ADAMTS19: variants seen among roughly 807,000 people sequenced by gnomAD.
The protein encoded by ADAMTS19 is ADAM metallopeptidase with thrombospondin type 1 motif 19, also known as A disintegrin and metalloproteinase with thrombospondin motifs 19.
A neutral mutation model predicts 153.3 loss-of-function variants in ADAMTS19; 93 were observed. That is an observed-to-expected ratio of 0.61 (90% CI 0.51 to 0.72). The LOEUF (loss-of-function observed/expected upper bound fraction) is 0.72, where lower values mean the gene tolerates loss of function less well. Among genes scored for constraint, ADAMTS19 ranks in the 30% least tolerant of loss-of-function variants. ADAMTS19 has a pLI of 0.00. For missense variants in ADAMTS19, 1,482 were observed against 1,552.1 expected (o/e 0.95, Z 0.76); for synonymous variants, 600 against 556.6 (o/e 1.08, Z -1.10).
chr5:129,610,770 A>G (rs917936614), intron 8 of ADAMTS19, among the ~76,000 whole-genome samples: 12 of 152,302 alleles, frequency 7.9e-5, no homozygotes, highest in Admixed American at 6.5e-4. Flanking sequence ...GTGTCTTTAT[A>G]GCAGCATGAT....
chr5:129,709,959 TTTC>T (rs1186439087), intron 21 of ADAMTS19, among the ~76,000 whole-genome samples: 1 of 151,714 alleles, frequency 6.6e-6, no homozygotes, highest in Non-Finnish European at 1.5e-5. Context: ...TGTCCTCTAT[TTTC>T]TTTTTTTTTT....
chr5:129,461,473 C>G lies in ADAMTS19; in HGVS notation c.463C>G (p.Pro155Ala), dbSNP rs906026180. 1.4e-5 allele frequency: 21 copies of G among 1,474,200 alleles called. No homozygotes were observed. The highest frequency in any genetic ancestry group is 1.8e-5 in the Non-Finnish European group (20 of 1,121,766). The allele number at this position is 1,474,200 out of a possible 1,614,324, so 91.3% of individuals were successfully genotyped here. The part of the protein sequence containing the change: ...SWQPPPPPQP[P>A]PSPPPAQHAE... ...GCAGCCGCCGCCTCCCCCGCAGCCG[C>G]CCCCGTCCCCGCCCCCGGCCCAGCA... Residue 155 changes from proline to alanine, a missense_variant, in exon 2 of 23, where the codon CCC becomes GCC. Transcript: ENST00000274487. This position sits in a 1 kb window ranked among gnomAD's most constrained non-coding sequence, Gnocchi z 4.6.
chr5:129,632,223 ACT>A (rs1193311015), intron 10 of ADAMTS19, among the ~76,000 whole-genome samples: 2 of 151,668 alleles, frequency 1.3e-5, no homozygotes, highest in African/African-American at 2.4e-5. Context: ...TAAAATATAA[ACT>A]CTCTATTTTT....
intron 10 of ADAMTS19, among the ~76,000 whole-genome samples, chr5:129,626,689 A>G (rs1176667503): frequency 6.6e-6 from 1 of 152,154 alleles, no homozygotes; most frequent in East Asian, 1.9e-4. Flanking sequence ...TTGATTTGAC[A>G]AATATTTATT....
intron 7 of ADAMTS19, among the ~76,000 whole-genome samples, chr5:129,562,023 A>T (rs1372676652): frequency 6.6e-6 from 1 of 152,214 alleles, no homozygotes; most frequent in South Asian, 2.1e-4. Context: ...TCATAATACC[A>T]TCAGTTGGTT....
chr5:129,709,542 CA>C (rs1405150355), intron 21 of ADAMTS19, among the ~76,000 whole-genome samples: 4 of 151,826 alleles, frequency 2.6e-5, no homozygotes, highest in African/African-American at 7.3e-5. Context: ...TAAAAAAGTT[CA>C]AAAAAAGTAC....
At chr5:129,665,048 T>A (rs1385164938) in intron 15 of ADAMTS19, among the ~76,000 whole-genome samples, 3 of 152,130 alleles carry the variant, frequency 2.0e-5, no homozygotes, top group Non-Finnish European at 2.9e-5. Flanking sequence ...TGTCCTATAC[T>A]TCAGTACTCC....
chr5:129,500,711 C>T (rs1265051272), intron 2 of ADAMTS19: 1 of 152,138 alleles, frequency 6.6e-6, no homozygotes, highest in Non-Finnish European at 1.5e-5. Flanking sequence ...AATGGTGCAT[C>T]ATTTTCTTTC....
chr5:129,479,492 AAAAT>A (rs1180214359), intron 2 of ADAMTS19, among the ~76,000 whole-genome samples: 2 of 152,192 alleles, frequency 1.3e-5, no homozygotes, highest in Non-Finnish European at 2.9e-5. Context: ...CTAAGGCAAG[AAAAT>A]AAATAAAAGG....
intron 19 of ADAMTS19, among the ~76,000 whole-genome samples, chr5:129,697,713 A>G (rs1373059613): frequency 2.0e-5 from 3 of 152,260 alleles, no homozygotes; most frequent in African/African-American, 4.8e-5. Context: ...AGATACATAA[A>G]GTAGCATTTT....
chr5:129,624,561 G>A (rs1174039997), intron 10 of ADAMTS19, among the ~76,000 whole-genome samples: 1 of 152,132 alleles, frequency 6.6e-6, no homozygotes, highest in East Asian at 1.9e-4. Flanking sequence ...ATGTGGTATA[G>A]AGAATTGATA....
At chr5:129,632,320 A>C (rs1049731707) in intron 10 of ADAMTS19, among the ~76,000 whole-genome samples, 2 of 151,954 alleles carry the variant, frequency 1.3e-5, no homozygotes, top group African/African-American at 4.8e-5. Flanking sequence ...AGACTTCCTC[A>C]TTCAGTTTTT....
At chr5:129,464,340 A>T (rs1309682637) in intron 2 of ADAMTS19, among the ~76,000 whole-genome samples, 2 of 152,214 alleles carry the variant, frequency 1.3e-5, no homozygotes, top group African/African-American at 4.8e-5. Flanking sequence ...GTGAGGAATT[A>T]TGATGCCTTT....
chr5:129,710,203 A>G (rs1340907006), intron 21 of ADAMTS19, among the ~76,000 whole-genome samples: 1 of 152,096 alleles, frequency 6.6e-6, no homozygotes, highest in Non-Finnish European at 1.5e-5. Context: ...TCTCCTGCTT[A>G]TAAGTGAGAA....
chr5:129,637,399 A>C lies in ADAMTS19; in HGVS notation c.1771-4460A>C, dbSNP rs184537769. 1.7e-4 allele frequency among the ~76,000 whole-genome samples: 26 copies of C among 152,326 alleles called. No individual in the cohort carries two copies. The East Asian group carries it at 5.0e-3, about 29-fold the overall frequency. On this transcript the variant is annotated intron_variant, in intron 10 of 22. Coordinates refer to ENST00000274487, the MANE Select transcript of ADAMTS19 (RefSeq NM_133638.6). Reference sequence around the variant, plus strand: ...TTCAGTCTGTTGAAATTTGTTTAGCATACTCAGCTCTAAATTAATACATGA... The same window carrying C: ...TTCAGTCTGTTGAAATTTGTTTAGCCTACTCAGCTCTAAATTAATACATGA...
intron 13 of ADAMTS19, among the ~76,000 whole-genome samples, chr5:129,652,344 T>C (rs1198120095): frequency 2.0e-5 from 3 of 152,248 alleles, no homozygotes; most frequent in Admixed American, 1.3e-4. Context: ...GTATCTGTTA[T>C]ATAATACTTG....
intron 2 of ADAMTS19, among the ~76,000 whole-genome samples, chr5:129,482,971 CATATA>C (rs1750465089): frequency 6.6e-6 from 1 of 152,088 alleles, no homozygotes; most frequent in African/African-American, 2.4e-5. Context: ...AAATTTTGCT[CATATA>C]ATATAAATGG....
At chr5:129,622,996 T>C (rs545969173) in intron 10 of ADAMTS19, among the ~76,000 whole-genome samples, 2 of 152,234 alleles carry the variant, frequency 1.3e-5, no homozygotes, top group African/African-American at 4.8e-5. Context: ...TATATGGAAA[T>C]GGGTAAAAAT....
At position 129,562,878 on chromosome 5, in the gene ADAMTS19, CT is replaced by C. The variant is rs941050196; in HGVS notation, c.1372+10981del. Among the ~76,000 whole-genome samples the C allele has an allele frequency of 2.0e-4, 30 of 150,230 alleles. 1 individual carries two copies. The highest frequency in any genetic ancestry group is 1.3e-3 in the South Asian group (6 of 4,740). On this transcript the variant is annotated intron_variant, in intron 7 of 22. Transcript: ENST00000274487. ...AAACTTAGTTGCTTCAACATCCTAA[CT>C]TTTTTTTTTCTGTCTTTGAGCAGGT...
Sources: gnomAD v4.1 joint callset for allele counts (sites outside exome capture counted in the v4.1 genomes callset) on GRCh38, gnomAD v4.1.1 for gene constraint, Gnocchi (gnomAD v3.1) non-coding constraint, MANE v1.5 for transcripts, NCBI Gene and HGNC (gene_info 2026-07-23, HGNC 2026-07-21) for gene names.